The following MET variants were observed in gnomAD, a reference collection of about 807,000 sequenced individuals.
The protein encoded by MET is MET proto-oncogene, receptor tyrosine kinase.
A neutral mutation model predicts 133.1 loss-of-function variants in MET; 48 were observed. The ratio of observed to expected loss-of-function variants is 0.36; its 90% CI spans 0.29 to 0.46. The LOEUF is 0.46. Ranked by LOEUF, MET falls within the 20% of genes least tolerant of loss-of-function variation. The pLI, the probability that MET is intolerant of heterozygous loss-of-function variation, is 1.00. For missense variants in MET, 1,442 were observed against 1,695.9 expected (o/e 0.85, Z 2.63); for synonymous variants, 628 against 616.5 (o/e 1.02, Z -0.28).
chr7:116,683,044 G>A (rs530803113), intron 1 of MET, among the ~76,000 whole-genome samples: 58 of 151,916 alleles, frequency 3.8e-4, no homozygotes, highest in African/African-American at 1.0e-3. Context: ...AACTCTTCCC[G>A]TGTTTAAAAT....
At position 116,789,499 on chromosome 7, in the gene MET, A is replaced by G. The variant is rs1228100842; in HGVS notation, c.3798+6030A>G. On this transcript the variant is annotated intron_variant, in intron 19 of 20. Coordinates refer to ENST00000397752, the MANE Select transcript of MET (RefSeq NM_000245.4). Reference sequence around the variant, plus strand: ...GCAGTTGTGTAACCACCACCCCAACAATCAGGACATAGAACAGTTCTATCA... The same window carrying G: ...GCAGTTGTGTAACCACCACCCCAACGATCAGGACATAGAACAGTTCTATCA... Among the ~76,000 whole-genome samples the G allele has an allele frequency of 2.6e-5, 4 of 152,218 alleles. No homozygotes were observed. The East Asian group carries it at 5.8e-4, about 22-fold the overall frequency.
chr7:116,684,614 G>A (rs1233991294), intron 1 of MET, among the ~76,000 whole-genome samples: 1 of 152,146 alleles, frequency 6.6e-6, no homozygotes, highest in Non-Finnish European at 1.5e-5. Context: ...GTGAAGTTGA[G>A]GGCAAGAATA....
chr7:116,721,786 TG>T (rs1792494348), intron 2 of MET, among the ~76,000 whole-genome samples: 1 of 152,198 alleles, frequency 6.6e-6, no homozygotes, highest in South Asian at 2.1e-4. Context: ...TCCATGTAGT[TG>T]AGCGGTTTTG....
chr7:116,705,905 GC>G (rs1255958255), intron 2 of MET, among the ~76,000 whole-genome samples: 1 of 151,722 alleles, frequency 6.6e-6, no homozygotes, highest in African/African-American at 2.4e-5. Context: ...ATTTTGTAAC[GC>G]CCCCTGAGAT....
intron 2 of MET, among the ~76,000 whole-genome samples, chr7:116,731,187 G>A (rs1326757604): frequency 6.6e-5 from 10 of 152,110 alleles, no homozygotes; most frequent in Admixed American, 6.5e-4. Context: ...AGTGCTCTGT[G>A]GCCTCCCAGT....
At chr7:116,746,798 G>T (rs1201004667) in intron 5 of MET, among the ~76,000 whole-genome samples, 1 of 151,582 alleles carries the variant, frequency 6.6e-6, no homozygotes, top group African/African-American at 2.4e-5. Context: ...GGGGAGGGGG[G>T]AGAGTTAGCA....
intron 16 of MET, 123 bp from the exon 17 acceptor site, chr7:116,778,653 C>A: frequency 9.4e-7 from 1 of 1,058,268 alleles, no homozygotes; most frequent in South Asian, 1.3e-5. Flanking sequence ...ACTCTGCAGT[C>A]AAACCCTCAG....
At chr7:116,728,524 A>G (rs1427717143) in intron 2 of MET, among the ~76,000 whole-genome samples, 2 of 152,192 alleles carry the variant, frequency 1.3e-5, no homozygotes, top group Non-Finnish European at 2.9e-5. Flanking sequence ...TTTACAAAAG[A>G]TCAGTGAGTT....
chr7:116,677,857 T>A (rs1375243367), intron 1 of MET, among the ~76,000 whole-genome samples: 1 of 152,192 alleles, frequency 6.6e-6, no homozygotes, highest in Admixed American at 6.5e-5. Flanking sequence ...GTTATTTCAT[T>A]CTTAAACTGA....
At chr7:116,734,076 C>G (rs1793122060) in intron 3 of MET, among the ~76,000 whole-genome samples, 1 of 152,292 alleles carries the variant, frequency 6.6e-6, no homozygotes, top group South Asian at 2.1e-4. Context: ...GGCAACCTCC[C>G]ACTTTAATCT....
In MET at chr7:116,783,484, A is replaced by T. The variant is rs769814035; in HGVS notation, c.3798+15A>T. ...AGTCAGATGTGGTAATGTATTGGTT[A>T]TCTCTGAGTTTCTCCTCTTTTACTT... On this transcript the variant is annotated intron_variant, in intron 19 of 20. Transcript: ENST00000397752. The T allele has an allele frequency of 1.9e-6, 3 of 1,613,922 alleles. No homozygotes were observed. The highest frequency in any genetic ancestry group is 2.5e-6 in the Non-Finnish European group (3 of 1,179,918).
At chr7:116,685,563 G>A (rs1796521499) in intron 1 of MET, among the ~76,000 whole-genome samples, 1 of 152,222 alleles carries the variant, frequency 6.6e-6, no homozygotes, top group South Asian at 2.1e-4. Context: ...ATGTGTGCCT[G>A]TAATCCCAAC....
intron 16 of MET, among the ~76,000 whole-genome samples, chr7:116,777,865 T>G (rs1178747223): frequency 2.0e-5 from 3 of 152,230 alleles, no homozygotes; most frequent in Non-Finnish European, 4.4e-5. Flanking sequence ...CAACTTCCAT[T>G]AAAAAGATAA....
chr7:116,773,758 C>A (rs915776471), intron 14 of MET, among the ~76,000 whole-genome samples: 3 of 152,184 alleles, frequency 2.0e-5, no homozygotes, highest in Non-Finnish European at 4.4e-5. Context: ...TGATGCCCAA[C>A]GCTTTTCTGG....
intron 11 of MET, among the ~76,000 whole-genome samples, chr7:116,768,911 T>C (rs1340678133): frequency 6.6e-6 from 1 of 152,204 alleles, no homozygotes; most frequent in Non-Finnish European, 1.5e-5. Flanking sequence ...TTCAGTTAAC[T>C]AAATATGCCA....
chr7:116,747,212 C>G (rs576836414), intron 5 of MET, among the ~76,000 whole-genome samples: 1 of 152,324 alleles, frequency 6.6e-6, no homozygotes, highest in African/African-American at 2.4e-5. Context: ...ACCATTGACA[C>G]TGTGAAGAAA....
intron 2 of MET, among the ~76,000 whole-genome samples, chr7:116,713,973 C>G (rs962075222): frequency 6.6e-6 from 1 of 152,168 alleles, no homozygotes; most frequent in Non-Finnish European, 1.5e-5. Flanking sequence ...CTGAAAATCT[C>G]TTATACTTCT....
intron 2 of MET, among the ~76,000 whole-genome samples, chr7:116,702,939 CT>C (rs201027191): frequency 0.015 from 2,299 of 152,252 alleles, 35 homozygotes; most frequent in Admixed American, 0.042. Context: ...CCAGGCCTGA[CT>C]TGCTTGTTTA....
chr7:116,717,881 A>G (rs1330646563), intron 2 of MET, among the ~76,000 whole-genome samples: 2 of 152,216 alleles, frequency 1.3e-5, no homozygotes, highest in Non-Finnish European at 2.9e-5. Flanking sequence ...TGAGATATAT[A>G]GCACTTCAAT....
Sources: allele counts gnomAD v4.1 joint callset (sites outside exome capture counted in the v4.1 genomes callset), GRCh38; gene constraint gnomAD v4.1.1; transcripts MANE v1.5; gene names NCBI Gene and HGNC (gene_info 2026-07-23, HGNC 2026-07-21).